LARGE1: variants seen among roughly 807,000 people sequenced by gnomAD.
LARGE1 encodes the protein LARGE xylosyl- and glucuronyltransferase 1.
A neutral mutation model predicts 87.6 loss-of-function variants in LARGE1; 43 were observed. That is an observed-to-expected ratio of 0.49 (90% CI 0.38 to 0.63). LARGE1 has a LOEUF of 0.63. Ranked by LOEUF, LARGE1 falls within the 30% of genes least tolerant of loss-of-function variation. The pLI, the probability that LARGE1 is intolerant of heterozygous loss-of-function variation, is 0.00. For synonymous variants in LARGE1, 434 were observed against 394.6 expected (o/e 1.10, Z -1.18); for missense variants, 802 against 1,000.2 (o/e 0.80, Z 2.67).
chr22:33,913,613 A>T (rs545856450), intron 1 of LARGE1, among the ~76,000 whole-genome samples: 4 of 152,128 alleles, frequency 2.6e-5, no homozygotes, highest in Non-Finnish European at 5.9e-5. Context: ...GCGGCATCTC[A>T]ACTCACTGCA....
chr22:33,412,081 C>T (rs1283870500), intron 7 of LARGE1, among the ~76,000 whole-genome samples: 4 of 152,028 alleles, frequency 2.6e-5, no homozygotes, highest in Admixed American at 6.6e-5. Context: ...GTCAGGAGTT[C>T]GAGACCAGCC....
chr22:33,255,384 C>A (rs1028878307), intron 11 of LARGE1, among the ~76,000 whole-genome samples: 1 of 152,142 alleles, frequency 6.6e-6, no homozygotes, highest in African/African-American at 2.4e-5. Flanking sequence ...TGGAACAACG[C>A]GTGGACACTC....
chr22:33,911,650 T>C (rs1180148741), intron 1 of LARGE1, among the ~76,000 whole-genome samples: 1 of 152,204 alleles, frequency 6.6e-6, no homozygotes, highest in Non-Finnish European at 1.5e-5. Context: ...GTCATGTAAA[T>C]GTGAACAAGC....
chr22:33,657,249 G>C (rs1002330603), intron 2 of LARGE1: 1 of 152,162 alleles, frequency 6.6e-6, no homozygotes, highest in East Asian at 1.9e-4. Flanking sequence ...CATCCTGCCC[G>C]TGATAAAGAC....
downstream of LARGE1, among the ~76,000 whole-genome samples, chr22:33,157,623 C>T (rs937903698): frequency 2.0e-5 from 3 of 152,208 alleles, no homozygotes; most frequent in African/African-American, 7.2e-5. Context: ...TTCCATACCA[C>T]TATCAACAAT....
At chr22:33,378,881 A>C (rs2065068435) in intron 9 of LARGE1, among the ~76,000 whole-genome samples, 1 of 152,160 alleles carries the variant, frequency 6.6e-6, no homozygotes. Context: ...TGGGTTCCAT[A>C]ATTTACTAGA....
chr22:33,724,622 T>C (rs239319), intron 2 of LARGE1, among the ~76,000 whole-genome samples: 56,706 of 152,090 alleles, frequency 0.37, 10,905 homozygotes, highest in Admixed American at 0.5. Flanking sequence ...GGAGACCCAT[T>C]CCTCCCAGAA....
At chr22:33,451,351 C>CTTATTTTATTTTATT (rs10629325) in intron 6 of LARGE1, among the ~76,000 whole-genome samples, 6 of 150,038 alleles carry the variant, frequency 4.0e-5, no homozygotes, top group Non-Finnish European at 8.9e-5. Context: ...CAAAAAAATT[C>CTTATTTTATTTTATT]TTATTTTATT....
chr22:33,677,445 T>C (rs1394576883), intron 2 of LARGE1, among the ~76,000 whole-genome samples: 1 of 152,114 alleles, frequency 6.6e-6, no homozygotes, highest in East Asian at 1.9e-4. Flanking sequence ...ACGACAGTTA[T>C]CTCTCCATAT....
At chr22:33,298,835 G>C (rs1291542117) in intron 12 of LARGE1, among the ~76,000 whole-genome samples, 1 of 150,372 alleles carries the variant, frequency 6.7e-6, no homozygotes, top group African/African-American at 2.5e-5. Context: ...TGTGTCTAAA[G>C]AGAAGTAAAG....
intron 6 of LARGE1, among the ~76,000 whole-genome samples, chr22:33,433,151 G>C (rs112842637): frequency 5.9e-5 from 9 of 152,184 alleles, no homozygotes; most frequent in African/African-American, 2.2e-4. Flanking sequence ...GGCTCACAAA[G>C]GACCAGTGAC....
At chr22:33,397,211 G>A (rs1300221943) in intron 7 of LARGE1, among the ~76,000 whole-genome samples, 3 of 152,052 alleles carry the variant, frequency 2.0e-5, no homozygotes, top group Admixed American at 6.6e-5. Flanking sequence ...TGCCTCCTGG[G>A]TCCAAGCAAT....
intron 9 of LARGE1, among the ~76,000 whole-genome samples, chr22:33,374,419 G>A (rs1264910881): frequency 6.6e-6 from 1 of 152,132 alleles, no homozygotes; most frequent in Non-Finnish European, 1.5e-5. Flanking sequence ...TAGGAAAATG[G>A]AGTTTTGAAA....
chr22:33,193,445 A>C (rs1409783858), intron 11 of LARGE1, among the ~76,000 whole-genome samples: 1 of 152,194 alleles, frequency 6.6e-6, no homozygotes, highest in African/African-American at 2.4e-5. Flanking sequence ...AAGCAGAGAT[A>C]GATATAAGAA....
At chr22:33,783,925 C>T (rs1047920888) in intron 1 of LARGE1, among the ~76,000 whole-genome samples, 2 of 152,090 alleles carry the variant, frequency 1.3e-5, no homozygotes, top group Non-Finnish European at 1.5e-5. Context: ...CTAAAAAGGA[C>T]CTATGTGTTT....
intron 1 of LARGE1, among the ~76,000 whole-genome samples, chr22:33,855,467 A>G (rs1403371568): frequency 2.0e-5 from 3 of 152,220 alleles, no homozygotes; most frequent in Non-Finnish European, 2.9e-5. Context: ...CAACCCAGAA[A>G]GGATCAGGCG....
chr22:33,714,053 G>A (rs2082839334), intron 2 of LARGE1, among the ~76,000 whole-genome samples: 1 of 148,404 alleles, frequency 6.7e-6, no homozygotes, highest in Non-Finnish European at 1.5e-5. Flanking sequence ...TGAGTACCCA[G>A]TGGTCAATAA....
chr22:33,775,540 G>A (rs193264437), intron 1 of LARGE1, among the ~76,000 whole-genome samples: 188 of 152,228 alleles, frequency 1.2e-3, no homozygotes, highest in Non-Finnish European at 2.0e-3. Flanking sequence ...GCAATGTGAA[G>A]ACAATTTTGA....
chr22:33,454,969 G>C (rs2068074519), intron 6 of LARGE1, among the ~76,000 whole-genome samples: 1 of 152,190 alleles, frequency 6.6e-6, no homozygotes, highest in Non-Finnish European at 1.5e-5. Flanking sequence ...TGAGACTTGG[G>C]TGGGGACACA....
Sources: gnomAD v4.1 joint callset for allele counts (sites outside exome capture counted in the v4.1 genomes callset) on GRCh38, gnomAD v4.1.1 for gene constraint, MANE v1.5 for transcripts, NCBI Gene and HGNC (gene_info 2026-07-23, HGNC 2026-07-21) for gene names.